Variants in RBFOX1 observed in about 807,000 individuals in gnomAD.
RBFOX1 encodes the protein RNA binding protein fox-1 homolog 1.
A neutral mutation model predicts 57.7 loss-of-function variants in RBFOX1; 8 were observed. The ratio of observed to expected loss-of-function variants is 0.14; its 90% CI spans 0.08 to 0.25. The LOEUF is 0.25. RBFOX1 is among the 10% of genes least tolerant of loss of function. The pLI is 1.00. For missense variants in RBFOX1, 611 were observed against 548.5 expected, an observed-to-expected ratio of 1.11 and a Z score of -1.14; for synonymous variants, 326 against 222.4, an observed-to-expected ratio of 1.47 and a Z score of -4.15.
chr16:6,255,898 G>A (rs2097658284), intron 1 of RBFOX1, among the ~76,000 whole-genome samples: 1 of 151,386 alleles, frequency 6.6e-6, no homozygotes, highest in African/African-American at 2.4e-5. Flanking sequence ...TACTTGGTGG[G>A]GTGCAAAGGG....
At chr16:7,147,798 T>C (rs2075320282) in intron 4 of RBFOX1, among the ~76,000 whole-genome samples, 1 of 152,296 alleles carries the variant, frequency 6.6e-6, no homozygotes, top group Admixed American at 6.5e-5. Context: ...GTGTGTCTTT[T>C]TGGTAGAACG....
chr16:6,832,344 G>T (rs1301641267), intron 3 of RBFOX1, among the ~76,000 whole-genome samples: 1 of 152,164 alleles, frequency 6.6e-6, no homozygotes, highest in East Asian at 1.9e-4. Context: ...GTTACAGAGT[G>T]TTCTAAATTA....
At chr16:7,016,003 G>C (rs1185565412) in intron 3 of RBFOX1, among the ~76,000 whole-genome samples, 1 of 152,090 alleles carries the variant, frequency 6.6e-6, no homozygotes, top group African/African-American at 2.4e-5. Flanking sequence ...TTGCTGTGTG[G>C]TGATAGGGTT....
At chr16:5,626,218 G>T (rs1251123265) in intron 3 of RBFOX1, among the ~76,000 whole-genome samples, 1 of 152,206 alleles carries the variant, frequency 6.6e-6, no homozygotes, top group Non-Finnish European at 1.5e-5. Flanking sequence ...TCCTCTGGAG[G>T]AAGGATGGCT....
At chr16:5,952,157 GT>G (rs1159690419) in intron 4 of RBFOX1, among the ~76,000 whole-genome samples, 184 of 141,470 alleles carry the variant, frequency 1.3e-3, no homozygotes, top group African/African-American at 4.1e-3. Context: ...TTTTGGTTTT[GT>G]TTTTTTTTTT....
chr16:6,156,904 A>T (rs1393586965), intron 1 of RBFOX1, among the ~76,000 whole-genome samples: 1 of 152,140 alleles, frequency 6.6e-6, no homozygotes, highest in African/African-American at 2.4e-5. Context: ...CAGGGGCATG[A>T]TTATGGTTCA....
At chr16:7,272,119 A>G (rs894248559) in intron 4 of RBFOX1, among the ~76,000 whole-genome samples, 1 of 152,180 alleles carries the variant, frequency 6.6e-6, no homozygotes, top group African/African-American at 2.4e-5. Flanking sequence ...ATGCTCCTGA[A>G]AACTTGATTT....
intron 3 of RBFOX1, among the ~76,000 whole-genome samples, chr16:6,707,744 C>A (rs568130292): frequency 6.6e-6 from 1 of 152,160 alleles, no homozygotes; most frequent in African/African-American, 2.4e-5. Flanking sequence ...ATTCCAGATT[C>A]TGCAACTTTA....
chr16:5,713,738 A>G (rs1001893710), intron 3 of RBFOX1, among the ~76,000 whole-genome samples: 1 of 152,198 alleles, frequency 6.6e-6, no homozygotes, highest in African/African-American at 2.4e-5. Context: ...AGCATCACAG[A>G]GAGACTCATG....
intron 4 of RBFOX1, among the ~76,000 whole-genome samples, chr16:7,107,608 T>C (rs1284079184): frequency 6.6e-6 from 1 of 152,090 alleles, no homozygotes; most frequent in Non-Finnish European, 1.5e-5. Flanking sequence ...TCTTCCTACG[T>C]CGCTGACATC....
chr16:7,551,972 G>A (rs1394495655), intron 5 of RBFOX1, among the ~76,000 whole-genome samples: 1 of 152,148 alleles, frequency 6.6e-6, no homozygotes, highest in Non-Finnish European at 1.5e-5. Flanking sequence ...AATAGCATGT[G>A]CAAAGGCCGT....
intron 1 of RBFOX1, among the ~76,000 whole-genome samples, chr16:6,229,739 G>A (rs1174306313): frequency 6.6e-6 from 1 of 150,912 alleles, no homozygotes; most frequent in Admixed American, 6.6e-5. Flanking sequence ...TTCTTTGCTT[G>A]TTATATTTCT....
At chr16:7,458,815 T>C (rs148348275) in intron 4 of RBFOX1, among the ~76,000 whole-genome samples, 5 of 152,216 alleles carry the variant, frequency 3.3e-5, no homozygotes, top group African/African-American at 1.2e-4. Flanking sequence ...GTTCCTTTCC[T>C]AGCTGACTTT....
intron 1 of RBFOX1, among the ~76,000 whole-genome samples, chr16:6,296,751 T>A (rs1396141589): frequency 6.6e-6 from 1 of 152,174 alleles, no homozygotes; most frequent in African/African-American, 2.4e-5. Flanking sequence ...GCATATGGCA[T>A]GGCACTGTTA....
intron 2 of RBFOX1, among the ~76,000 whole-genome samples, chr16:6,426,022 C>G (rs569945000): frequency 3.2e-4 from 49 of 152,064 alleles, no homozygotes; most frequent in African/African-American, 1.2e-3. Context: ...ATTGTAGAAT[C>G]TTGTTGGCAT....
chr16:6,741,237 G>A lies in RBFOX1; in HGVS notation c.-16+86587G>A, dbSNP rs143270570. Among the ~76,000 whole-genome samples the A allele has an allele frequency of 4.5e-3, 680 of 152,200 alleles. 3 individuals are homozygous for A. The highest frequency in any genetic ancestry group is 0.015 in the African/African-American group (629 of 41,536). ...ATCTCATAAAAATTAGCTCAAAATGGATCGTAGGTTAAATTGAAAACATAA... is the reference window on the plus strand; with the variant it reads ...ATCTCATAAAAATTAGCTCAAAATGAATCGTAGGTTAAATTGAAAACATAA... On this transcript the variant is annotated intron_variant, in intron 3 of 15. Transcript: ENST00000550418.
chr16:5,876,248 C>A (rs370120743), intron 4 of RBFOX1, among the ~76,000 whole-genome samples: 122 of 152,276 alleles, frequency 8.0e-4, no homozygotes, highest in African/African-American at 2.9e-3. Context: ...GCCAGCCAGG[C>A]CACTCTGCAA....
chr16:5,364,884 C>T (rs769118916), intron 1 of RBFOX1, among the ~76,000 whole-genome samples: 20 of 152,052 alleles, frequency 1.3e-4, no homozygotes, highest in Non-Finnish European at 2.2e-4. Context: ...GTGAAACGCA[C>T]CTGCTTGGGC....
intron 4 of RBFOX1, among the ~76,000 whole-genome samples, chr16:5,971,224 C>G (rs573709980): frequency 6.6e-6 from 1 of 152,200 alleles, no homozygotes; most frequent in Non-Finnish European, 1.5e-5. Context: ...GAATTTATAT[C>G]ACAGTGGTGA....
Sources: allele counts gnomAD v4.1 joint callset (sites outside exome capture counted in the v4.1 genomes callset), GRCh38; gene constraint gnomAD v4.1.1; transcripts MANE v1.5; gene names NCBI Gene and HGNC (gene_info 2026-07-23, HGNC 2026-07-21).